Variants in ARHGAP6 observed in about 807,000 individuals in gnomAD.
The protein encoded by ARHGAP6 is Rho GTPase activating protein 6.
ARHGAP6 carries 16 observed loss-of-function variants against 55.7 expected under a neutral mutation model. That is an observed-to-expected ratio of 0.29 (90% CI 0.19 to 0.44). The LOEUF (loss-of-function observed/expected upper bound fraction) is 0.44. ARHGAP6 is among the 20% of genes least tolerant of loss of function. The pLI, the probability that ARHGAP6 is intolerant of heterozygous loss-of-function variation, is 1.00. For missense variants in ARHGAP6, 698 were observed against 808.9 expected (o/e 0.86, Z 1.66); for synonymous variants, 382 against 360.9 (o/e 1.06, Z -0.66).
chrX:11,492,043 C>T (rs1287459920), intron 1 of ARHGAP6, among the ~76,000 whole-genome samples: 2 of 107,055 alleles, frequency 1.9e-5, no homozygotes, highest in South Asian at 4.0e-4. Context: ...TGTCCTTCAC[C>T]CAGTTTTCGA....
rs1252617633 is a variant in ARHGAP6, at chrX:11,342,941, C to G, written c.589-88234G>C. On this transcript the variant is annotated intron_variant, in intron 1 of 12. Coordinates refer to ENST00000337414, the MANE Select transcript of ARHGAP6 (RefSeq NM_013427.3). ...AGACTGGATGAATAATTGACTTGTT[C>G]TTGAAATACCTGAAATGGGCTTCAG... Among the ~76,000 whole-genome samples, 4 of 112,041 alleles carry G rather than the reference C, an allele frequency of 3.6e-5. No homozygotes were observed. The Admixed American group carries it at 3.8e-4, about 11-fold the overall frequency.
intron 3 of ARHGAP6, among the ~76,000 whole-genome samples, chrX:11,190,252 G>C (rs576354696): frequency 1.8e-5 from 2 of 111,001 alleles, no homozygotes; most frequent in South Asian, 7.6e-4. Context: ...TAGTATTTCG[G>C]GATTTTCAGA....
chrX:11,642,773 A>G (rs1285894410), intron 1 of ARHGAP6, among the ~76,000 whole-genome samples: 1 of 111,800 alleles, frequency 8.9e-6, no homozygotes, highest in African/African-American at 3.2e-5. Context: ...TAGATTAGAC[A>G]GAAACTGAGG....
In ARHGAP6 at chrX:11,572,781, T is replaced by C. The variant is rs2051541518; in HGVS notation, c.588+91460A>G. ...ATCGCCACACTGACTTCCACAATGG[T>C]TGAACTAGTTTACAGTCCCACCAAC... On this transcript the variant is annotated intron_variant, in intron 1 of 12. Transcript: ENST00000337414. 4.5e-5 allele frequency among the ~76,000 whole-genome samples: 5 copies of C among 111,799 alleles called. No homozygotes were observed. In the Admixed American group the frequency reaches 4.7e-4, roughly 11 times the overall value.
At chrX:11,644,654 C>T (rs866447696) in intron 1 of ARHGAP6, among the ~76,000 whole-genome samples, 29 of 110,644 alleles carry the variant, frequency 2.6e-4, no homozygotes, top group South Asian at 1.2e-3. Context: ...AAAGATACCA[C>T]CTATTAAAGT....
intron 1 of ARHGAP6, among the ~76,000 whole-genome samples, chrX:11,461,472 G>T (rs1439605121): frequency 9.0e-6 from 1 of 111,731 alleles, no homozygotes; most frequent in Non-Finnish European, 1.9e-5. Context: ...ACAAAGGGGG[G>T]AGCTATCTGT....
chrX:11,377,142 T>A (rs1369197954), intron 1 of ARHGAP6, among the ~76,000 whole-genome samples: 1 of 112,312 alleles, frequency 8.9e-6, no homozygotes, highest in Non-Finnish European at 1.9e-5. Flanking sequence ...TGGAATGGGA[T>A]TCATTGTTTC....
chrX:11,539,857 G>A (rs1482802901), intron 1 of ARHGAP6, among the ~76,000 whole-genome samples: 1 of 111,788 alleles, frequency 8.9e-6, no homozygotes, highest in Non-Finnish European at 1.9e-5. Flanking sequence ...TATTTAGAAT[G>A]AAAATCAATA....
chrX:11,615,105 C>A (rs1456528533), intron 1 of ARHGAP6, among the ~76,000 whole-genome samples: 6 of 111,052 alleles, frequency 5.4e-5, no homozygotes, highest in Middle Eastern at 4.7e-3. Context: ...CTTAGGGAGA[C>A]TATACTCCTA....
chrX:11,487,590 G>C (rs922366683), intron 1 of ARHGAP6, among the ~76,000 whole-genome samples: 2 of 112,209 alleles, frequency 1.8e-5, no homozygotes, highest in Non-Finnish European at 3.8e-5. Context: ...GTATATGCAA[G>C]ATTTTAGACA....
At chrX:11,505,364 G>A (rs2050721402) in intron 1 of ARHGAP6, among the ~76,000 whole-genome samples, 1 of 111,299 alleles carries the variant, frequency 9.0e-6, no homozygotes, top group African/African-American at 3.3e-5. Flanking sequence ...TCGCACATCA[G>A]TCAGAATGGC....
intron 1 of ARHGAP6, among the ~76,000 whole-genome samples, chrX:11,647,152 A>AT (rs144978609): frequency 8.9e-6 from 1 of 112,094 alleles, no homozygotes; most frequent in South Asian, 3.7e-4. Flanking sequence ...TGCCAGTGGT[A>AT]TTTTTTCCAA....
At chrX:11,162,252 T>G (rs1231726508) in intron 9 of ARHGAP6, among the ~76,000 whole-genome samples, 2 of 109,168 alleles carry the variant, frequency 1.8e-5, no homozygotes, top group African/African-American at 6.7e-5. Flanking sequence ...GAGATGCTGT[T>G]ATCAACTGTA....
intron 1 of ARHGAP6, among the ~76,000 whole-genome samples, chrX:11,465,979 C>A (rs2050289080): frequency 9.0e-6 from 1 of 110,753 alleles, no homozygotes; most frequent in South Asian, 3.9e-4. Flanking sequence ...CCTCCTCTTC[C>A]TCTTCCTCCT....
Position 11,294,989 on chromosome X carries a change from G to A in ARHGAP6, c.589-40282C>T. ...TCTGGGTTGAAGAAACACTTCAGGAGCTTGTTTTAAAAAGGTATATTCTCA... is the reference window on the plus strand; with the variant it reads ...TCTGGGTTGAAGAAACACTTCAGGAACTTGTTTTAAAAAGGTATATTCTCA... On this transcript the variant is annotated intron_variant, in intron 1 of 12. Coordinates refer to ENST00000337414, the MANE Select transcript of ARHGAP6 (RefSeq NM_013427.3). 5.9e-6 allele frequency: 4 copies of A among 683,632 alleles called. No homozygotes were observed. In the South Asian group the frequency reaches 1.0e-4, roughly 17 times the overall value. The allele number at this position is 683,632 out of a possible 1,213,427, so 56.3% of individuals were successfully genotyped here. A position where few individuals can be genotyped will look rare whatever the true frequency, so the allele number is the denominator to read the frequency against.
intron 1 of ARHGAP6, among the ~76,000 whole-genome samples, chrX:11,259,751 A>T (rs148398777): frequency 9.0e-6 from 1 of 111,607 alleles, no homozygotes; most frequent in Non-Finnish European, 1.9e-5. Context: ...ACTCTTAGCC[A>T]CTACAATATT....
chrX:11,286,347 C>T (rs1280824902), intron 1 of ARHGAP6, among the ~76,000 whole-genome samples: 2 of 111,438 alleles, frequency 1.8e-5, no homozygotes, highest in East Asian at 5.6e-4. Flanking sequence ...TCCCCACCAG[C>T]TATTGTTTGA....
intron 1 of ARHGAP6, among the ~76,000 whole-genome samples, chrX:11,309,225 C>T (rs771626444): frequency 8.9e-6 from 1 of 111,909 alleles, no homozygotes; most frequent in Non-Finnish European, 1.9e-5. Flanking sequence ...GCCTGAAATA[C>T]ACACACCGTA....
At chrX:11,511,229 G>A (rs2050782399) in intron 1 of ARHGAP6, among the ~76,000 whole-genome samples, 1 of 112,225 alleles carries the variant, frequency 8.9e-6, no homozygotes, top group South Asian at 3.7e-4. Context: ...GGATTCTTGA[G>A]TAAATTGATT....
Sources: allele counts gnomAD v4.1 joint callset (sites outside exome capture counted in the v4.1 genomes callset), GRCh38; gene constraint gnomAD v4.1.1; transcripts MANE v1.5; gene names NCBI Gene and HGNC (gene_info 2026-07-23, HGNC 2026-07-21).